Variants in NIBAN2 observed in about 807,000 individuals in gnomAD.
NIBAN2 encodes protein Niban 2.
Under a neutral mutation model 81.8 loss-of-function variants are expected in NIBAN2, and 36 were observed. The observed-to-expected ratio is 0.44, with a 90% CI of 0.34 to 0.58. The LOEUF is 0.58. NIBAN2 is among the 20% of genes least tolerant of loss of function. NIBAN2 has a pLI of 0.02. For synonymous variants in NIBAN2, 445 were observed against 441.6 expected (o/e 1.01, Z -0.10); for missense variants, 897 against 1,014.1 (o/e 0.88, Z 1.57).
At chr9:127,571,278 G>A (rs921466648), upstream of NIBAN2, among the ~76,000 whole-genome samples, 5 of 151,752 alleles carry the variant, frequency 3.3e-5, no homozygotes, top group Non-Finnish European at 5.9e-5. Flanking sequence ...GCCCAGGGTG[G>A]GACCCCAGAT....
At chr9:127,556,308 G>A (rs1019010413) in intron 1 of NIBAN2, among the ~76,000 whole-genome samples, 3 of 152,076 alleles carry the variant, frequency 2.0e-5, no homozygotes, top group African/African-American at 4.8e-5. Flanking sequence ...CAGGGGGTAC[G>A]TCACCACCCC....
At position 127,531,765 on chromosome 9, in the gene NIBAN2, C is replaced by A; in HGVS notation, c.69G>T (p.Lys23Asn). Residue 23 changes from lysine (K) to asparagine (N), a missense_variant, in exon 2 of 14, where the codon AAG becomes AAT. This residue lies in a region of NIBAN2 where 209 missense variants were observed against 208.4 expected (regional missense o/e 1.00). Coordinates refer to ENST00000373312, the MANE Select transcript of NIBAN2 (RefSeq NM_022833.4). Reference protein sequence around the residue: ...RRQHIAEKTGKILTEFLQFYE... With the variant: ...RRQHIAEKTGNILTEFLQFYE... ...AGAACTGGAGGAACTCCGTCAGGAT[C>A]TTCCCGGTTTTTTCTGGAAGAGAAG... The A allele has an allele frequency of 6.2e-7, 1 of 1,614,196 alleles. No homozygotes were observed. The highest frequency in any genetic ancestry group is 8.5e-7 in the Non-Finnish European group (1 of 1,180,026).
rs1464222306 is a variant in NIBAN2 at position 127,536,434 on chromosome 9, C to T, written c.56-4656G>A. On this transcript the variant is annotated intron_variant, in intron 1 of 13. Transcript: ENST00000373312. This position sits in a 1 kb window ranked among gnomAD's most constrained non-coding sequence, Gnocchi z 4.0. ...GGCTGCAGTCCAGGCAGGCCCCACC[C>T]AGTACCCCACTTTTCCTTCTTGCTC... Among the ~76,000 whole-genome samples, 1 of 152,230 alleles carries T rather than the reference C, an allele frequency of 6.6e-6. No individual in the cohort carries two copies. The highest frequency in any genetic ancestry group is 1.5e-5 in the Non-Finnish European group (1 of 68,032).
intron 1 of NIBAN2, among the ~76,000 whole-genome samples, chr9:127,552,832 G>A (rs568385804): frequency 1.3e-5 from 2 of 151,776 alleles, no homozygotes; most frequent in Non-Finnish European, 2.9e-5. Flanking sequence ...GAGATTACAG[G>A]TGTCCACCAC....
rs775927006 is a variant in NIBAN2, at chr9:127,506,738, G to A, written c.*107C>T. On this transcript the variant is annotated 3_prime_UTR_variant, in exon 14 of 14. Transcript: ENST00000373312. ...TGGCGGTGCCACACAGCCCTGCCCC[G>A]CCTCCACCCACAAGGCACAGACCAG... 89 of 1,042,388 alleles carry A rather than the reference G, an allele frequency of 8.5e-5. No individual in the cohort carries two copies. The highest frequency in any genetic ancestry group is 3.3e-4 in the Middle Eastern group (1 of 3,010). The allele number at this position is 1,042,388 out of a possible 1,614,324, so 64.6% of individuals were successfully genotyped here.
At chr9:127,529,483 A>G (rs1314848599) in intron 2 of NIBAN2, among the ~76,000 whole-genome samples, 1 of 152,212 alleles carries the variant, frequency 6.6e-6, no homozygotes, top group South Asian at 2.1e-4. Flanking sequence ...TACTAAAAAT[A>G]TAAAAAATTA....
Position 127,509,094 on chromosome 9 carries a change from AG to A in NIBAN2, c.1198del (p.Leu400Ter). 1 of 1,612,926 alleles carries A rather than the reference AG, an allele frequency of 6.2e-7. No homozygotes were observed. The highest frequency in any genetic ancestry group is 8.5e-7 in the Non-Finnish European group (1 of 1,179,840). ...EKLSRLAYHP[L>X]KMQSCYEKME... ...CTTCTCATAGCAGCTCTGCATCTTC[AG>A]GGGGTGGTACGCCAGCCGGGACAGC... On this transcript the variant is annotated frameshift_variant, in exon 10 of 14. Transcript: ENST00000373312. LOFTEE classifies it high-confidence loss of function.
At chr9:127,571,388 G>C (rs537993900), upstream of NIBAN2, among the ~76,000 whole-genome samples, 9 of 152,302 alleles carry the variant, frequency 5.9e-5, no homozygotes, top group South Asian at 1.9e-3. Flanking sequence ...TCATATGTGA[G>C]AGGCACATGA....
At position 127,547,628 on chromosome 9, in the gene NIBAN2, G is replaced by A. The variant is rs1355096650; in HGVS notation, c.56-15850C>T. On this transcript the variant is annotated intron_variant, in intron 1 of 13. Transcript: ENST00000373312. Reference sequence around the variant, plus strand: ...CAAGGTGGGCAGATCATCTGAGGTCGGGAGTTCGAGACCAACCTGACCAAC... The same window carrying A: ...CAAGGTGGGCAGATCATCTGAGGTCAGGAGTTCGAGACCAACCTGACCAAC... Among the ~76,000 whole-genome samples the A allele has an allele frequency of 2.0e-5, 3 of 152,002 alleles. 1 individual carries two copies. The highest frequency in any genetic ancestry group is 6.8e-3 in the Middle Eastern group (2 of 294).
At chr9:127,575,777 G>A (rs1332035002) in intron 1 of NIBAN2, among the ~76,000 whole-genome samples, 2 of 151,514 alleles carry the variant, frequency 1.3e-5, no homozygotes, top group African/African-American at 2.4e-5. Context: ...TGATCCGCCC[G>A]CCTTGGCTCC....
At chr9:127,546,305 C>T (rs1311793673) in intron 1 of NIBAN2, among the ~76,000 whole-genome samples, 1 of 152,230 alleles carries the variant, frequency 6.6e-6, no homozygotes, top group African/African-American at 2.4e-5. Context: ...AGAGGAGCAT[C>T]CCCACGCCTG....
Position 127,506,223 on chromosome 9 carries a change from G to T in NIBAN2, c.*622C>A, listed in dbSNP as rs941470458. On this transcript the variant is annotated 3_prime_UTR_variant, in exon 14 of 14. Transcript: ENST00000373312. ...CCCCTCCGCAGACCTGCACGTTCTG[G>T]GCCTTTCTCATTTCACCCCAGGCCT... The T allele has an allele frequency of 6.6e-6, 1 of 152,344 alleles. No individual in the cohort carries two copies. The highest frequency in any genetic ancestry group is 6.6e-5 in the Admixed American group (1 of 15,256). 9.4% of individuals were successfully genotyped at this position (152,344 alleles called of 1,614,324 possible).
chr9:127,570,709 C>A (rs1197452378), upstream of NIBAN2, among the ~76,000 whole-genome samples: 1 of 152,234 alleles, frequency 6.6e-6, no homozygotes, highest in East Asian at 1.9e-4. Context: ...CTTTTGACAG[C>A]AGATACTGAG....
chr9:127,532,910 C>A (rs963774166), intron 1 of NIBAN2, among the ~76,000 whole-genome samples: 8 of 151,962 alleles, frequency 5.3e-5, no homozygotes, highest in African/African-American at 1.9e-4. Context: ...TGGTTCACAG[C>A]ACTTTGGGAG....
Position 127,556,603 on chromosome 9 carries a change from G to A in NIBAN2, c.55+12217C>T, listed in dbSNP as rs575776154. Among the ~76,000 whole-genome samples, 8 of 152,300 alleles carry A rather than the reference G, an allele frequency of 5.3e-5. No homozygotes were observed. In the South Asian group the frequency reaches 1.7e-3, roughly 32 times the overall value. ...AATTTAATAACCTTTACAATCCAGT[G>A]GAGTAGAAGCATCATCATGCCCATT... On this transcript the variant is annotated intron_variant, in intron 1 of 13. Transcript: ENST00000373312.
chr9:127,550,875 G>C (rs1289107913), intron 1 of NIBAN2, among the ~76,000 whole-genome samples: 1 of 152,168 alleles, frequency 6.6e-6, no homozygotes, highest in Admixed American at 6.5e-5. Flanking sequence ...CTTCCTGCTT[G>C]GATCCTGTCA....
chr9:127,538,630 G>GAAAAA (rs11341312), intron 1 of NIBAN2, among the ~76,000 whole-genome samples: 1 of 127,380 alleles, frequency 7.9e-6, no homozygotes, highest in Non-Finnish European at 1.6e-5. Flanking sequence ...CCATCTCAAA[G>GAAAAA]AAAAAAAAAA....
At chr9:127,516,645 C>T (rs1836835050) in intron 8 of NIBAN2, among the ~76,000 whole-genome samples, 1 of 152,150 alleles carries the variant, frequency 6.6e-6, no homozygotes, top group African/African-American at 2.4e-5. Context: ...ACCTCCAGAA[C>T]AAAAATTTTT....
At chr9:127,571,828 A>G (rs1837949135), upstream of NIBAN2, among the ~76,000 whole-genome samples, 1 of 152,144 alleles carries the variant, frequency 6.6e-6, no homozygotes, top group Non-Finnish European at 1.5e-5. Context: ...TTCATTTCAC[A>G]CCAAAAAAAA....
Sources: allele counts gnomAD v4.1 joint callset (sites outside exome capture counted in the v4.1 genomes callset), GRCh38; gene constraint gnomAD v4.1.1; regional missense constraint gnomAD v4.1.1; non-coding constraint Gnocchi (gnomAD v3.1); transcripts MANE v1.5; gene names NCBI Gene and HGNC (gene_info 2026-07-23, HGNC 2026-07-21).